Variants in RAB37 observed in about 807,000 individuals in gnomAD.
The protein encoded by RAB37 is RAB37, member RAS oncogene family.
In RAB37, 29 loss-of-function variants were observed where a neutral mutation model predicts 33.1. The ratio of observed to expected loss-of-function variants is 0.88; its 90% CI spans 0.65 to 1.20. The LOEUF (loss-of-function observed/expected upper bound fraction) is 1.20. RAB37 is among the 50% of genes most tolerant of loss of function. The pLI, the probability that RAB37 is intolerant of heterozygous loss-of-function variation, is 0.00. For missense variants in RAB37, 299 were observed against 301.1 expected, an observed-to-expected ratio of 0.99 and a Z score of 0.05; for synonymous variants, 128 against 119.5, an observed-to-expected ratio of 1.07 and a Z score of -0.47.
chr17:74,698,356 C>T (rs2032711954), intron 1 of RAB37: 6 of 1,590,360 alleles, frequency 3.8e-6, no homozygotes, highest in Non-Finnish European at 5.2e-6. Flanking sequence ...CAGCCTCACC[C>T]AGGTCCTCTC....
intron 1 of RAB37, chr17:74,673,095 A>G (rs1300986103): frequency 2.0e-5 from 3 of 152,184 alleles, no homozygotes; most frequent in Non-Finnish European, 4.4e-5. Context: ...TGATGTTGTC[A>G]ATTTAGCCCA....
rs562509384 is a variant in RAB37 at position 74,676,586 on chromosome 17, C to T, written c.72+4928C>T. Among the ~76,000 whole-genome samples, 33 of 152,280 alleles carry T rather than the reference C, an allele frequency of 2.2e-4. No homozygotes were observed. Among genetic ancestry groups the T allele is most frequent in the Admixed American group, 1.6e-3 (24 of 15,286 alleles). ...GTAATTTCTGTGTCCCTCAAAAGTC[C>T]GCATGCCTCATCGATTCATTCAGCA... is the stretch of plus-strand genomic sequence containing the variant. On this transcript the variant is annotated intron_variant, in intron 1 of 7. Coordinates refer to the RAB37 transcript ENST00000340415. The surrounding 1 kb of genome is among the most constrained non-coding windows in gnomAD (Gnocchi z 4.1).
chr17:74,726,328 A>G (rs1302484937), intron 1 of RAB37, among the ~76,000 whole-genome samples: 1 of 151,874 alleles, frequency 6.6e-6, no homozygotes, highest in Non-Finnish European at 1.5e-5. Context: ...GCTGAACCCT[A>G]TGTGCACCCC....
chr17:74,730,360 A>C lies in RAB37; in HGVS notation c.183+994A>C. Reference sequence around the variant, plus strand: ...CACTGATGGGAAGAGAGAGAGGAAAACTCAGAAAAATGGGCTTGCCCACTG... The same window carrying C: ...CACTGATGGGAAGAGAGAGAGGAAACCTCAGAAAAATGGGCTTGCCCACTG... On this transcript the variant is annotated intron_variant, in intron 2 of 7. Transcript: ENST00000340415. This position sits in a 1 kb window ranked among gnomAD's most constrained non-coding sequence, Gnocchi z 4.4. Among the ~76,000 whole-genome samples the C allele has an allele frequency of 6.6e-6, 1 of 152,208 alleles. No homozygotes were observed. Among genetic ancestry groups the C allele is most frequent in the South Asian group, 2.1e-4 (1 of 4,816 alleles).
In RAB37 at chr17:74,676,007, T is replaced by G. The variant is rs893782918; in HGVS notation, c.72+4349T>G. ...GGAGCAACCTGGCTGCTCTTTTCCT[T>G]AGAGAACTCTCAGTTCTCTCTTGCC... is the stretch of plus-strand genomic sequence containing the variant. On this transcript the variant is annotated intron_variant, in intron 1 of 7. Coordinates refer to the RAB37 transcript ENST00000340415. The surrounding 1 kb of genome is among the most constrained non-coding windows in gnomAD (Gnocchi z 4.1). Among the ~76,000 whole-genome samples the G allele has an allele frequency of 1.3e-5, 2 of 152,206 alleles. No homozygotes were observed. The highest frequency in any genetic ancestry group is 4.8e-5 in the African/African-American group (2 of 41,468).
intron 1 of RAB37, among the ~76,000 whole-genome samples, chr17:74,692,305 C>A (rs1474830492): frequency 1.3e-5 from 2 of 152,168 alleles, no homozygotes; most frequent in African/African-American, 4.8e-5. Context: ...CTCACTCTGA[C>A]CTGACCAGCT....
chr17:74,687,481 C>T (rs1290211651), intron 1 of RAB37, among the ~76,000 whole-genome samples: 1 of 152,200 alleles, frequency 6.6e-6, no homozygotes, highest in East Asian at 1.9e-4. Flanking sequence ...GCCTCGGCCT[C>T]CCAAAGTGCT....
intron 1 of RAB37, among the ~76,000 whole-genome samples, chr17:74,699,939 A>G (rs1190854367): frequency 6.6e-6 from 1 of 151,922 alleles, no homozygotes; most frequent in African/African-American, 2.4e-5. Flanking sequence ...TCAGGAGTTC[A>G]AGACCAGCCT....
At chr17:74,674,087 C>A (rs1455419862) in intron 1 of RAB37, among the ~76,000 whole-genome samples, 3 of 151,954 alleles carry the variant, frequency 2.0e-5, no homozygotes, top group Non-Finnish European at 4.4e-5. Context: ...AGGATAAATT[C>A]TTTTTTTGAA....
intron 1 of RAB37, among the ~76,000 whole-genome samples, chr17:74,674,982 T>G (rs2031794132): frequency 6.6e-6 from 1 of 152,230 alleles, no homozygotes; most frequent in East Asian, 1.9e-4. Context: ...AACTCCAGGC[T>G]TGGAATAAGC....
intron 1 of RAB37, among the ~76,000 whole-genome samples, chr17:74,704,176 G>A (rs902200205): frequency 3.9e-5 from 6 of 152,194 alleles, no homozygotes; most frequent in African/African-American, 9.7e-5. Context: ...ACCATGGGAA[G>A]GCATCCCTTT....
At chr17:74,699,390 C>T (rs1289366621) in intron 1 of RAB37, among the ~76,000 whole-genome samples, 1 of 152,170 alleles carries the variant, frequency 6.6e-6, no homozygotes, top group Non-Finnish European at 1.5e-5. Flanking sequence ...CACATCCACT[C>T]AGACCCGTGA....
chr17:74,696,413 C>T (rs1489901264), intron 1 of RAB37, among the ~76,000 whole-genome samples: 1 of 152,220 alleles, frequency 6.6e-6, no homozygotes, highest in Non-Finnish European at 1.5e-5. Flanking sequence ...TGACCTTTCA[C>T]TTCTCCACCA....
In RAB37 at chr17:74,671,255, C is replaced by T; in HGVS notation, c.-332C>T. The T allele has an allele frequency of 3.3e-6, 1 of 300,448 alleles. No homozygotes were observed. Among genetic ancestry groups the T allele is most frequent in the Middle Eastern group, 1.0e-3 (1 of 958 alleles). The allele number at this position is 300,448 out of a possible 1,614,324, so 18.6% of individuals were successfully genotyped here. On this transcript the variant is annotated 5_prime_UTR_variant, in exon 1 of 8. Coordinates refer to the RAB37 transcript ENST00000340415. This position sits in a 1 kb window ranked among gnomAD's most constrained non-coding sequence, Gnocchi z 5.0. ...AATGAAATACGCAGGGATCACCAGCCGGACCCAAATCTTGCGTCCCTGCCA... is the reference window on the plus strand; with the variant it reads ...AATGAAATACGCAGGGATCACCAGCTGGACCCAAATCTTGCGTCCCTGCCA...
chr17:74,716,833 T>A (rs956155213), intron 1 of RAB37, among the ~76,000 whole-genome samples: 3 of 152,188 alleles, frequency 2.0e-5, no homozygotes, highest in African/African-American at 7.2e-5. Context: ...TCCAAGGTTG[T>A]TTTTTAAACA....
intron 1 of RAB37, among the ~76,000 whole-genome samples, chr17:74,728,693 C>G (rs1212499991): frequency 1.3e-5 from 2 of 149,272 alleles, no homozygotes; most frequent in African/African-American, 2.5e-5. Flanking sequence ...CATGTGTGTT[C>G]TGTGCATGTG....
chr17:74,709,775 G>C (rs2033814439), intron 1 of RAB37, among the ~76,000 whole-genome samples: 1 of 151,616 alleles, frequency 6.6e-6, no homozygotes, highest in Non-Finnish European at 1.5e-5. Context: ...GTCTCACTTT[G>C]TTGCCCAAGC....
In RAB37 at chr17:74,744,932, A is replaced by G; in HGVS notation, c.489+3A>G. 6.2e-7 allele frequency: 1 copy of G among 1,614,276 alleles called. No homozygotes were observed. Among genetic ancestry groups the G allele is most frequent in the Non-Finnish European group, 8.5e-7 (1 of 1,180,046 alleles). On this transcript the variant is annotated splice_donor_region_variant and intron_variant, in intron 7 of 8. Coordinates refer to ENST00000392613, the MANE Select transcript of RAB37 (RefSeq NM_001006638.3). The surrounding 1 kb of genome is among the most constrained non-coding windows in gnomAD (Gnocchi z 4.2). ...AAGACGGAGAGACCTTGGCCAGGGT[A>G]AGTGATTGTCTGTGGGACAGGGTGA...
upstream of RAB37, among the ~76,000 whole-genome samples, chr17:74,735,049 G>GA (rs1214230222): frequency 7.4e-6 from 1 of 135,896 alleles, no homozygotes; most frequent in Non-Finnish European, 1.6e-5. Context: ...AAGAAAGAAA[G>GA]AAAGAAAGAA....
Sources: allele counts gnomAD v4.1 joint callset (sites outside exome capture counted in the v4.1 genomes callset), GRCh38; gene constraint gnomAD v4.1.1; non-coding constraint Gnocchi (gnomAD v3.1); transcripts MANE v1.5; gene names NCBI Gene and HGNC (gene_info 2026-07-23, HGNC 2026-07-21).